The following FARS2 variants were observed in gnomAD, a reference collection of about 807,000 sequenced individuals.
FARS2 encodes phenylalanyl-tRNA synthetase 2, mitochondrial.
FARS2 carries 40 observed loss-of-function variants against 46.4 expected under a neutral mutation model. The observed-to-expected ratio is 0.86, with a 90% CI of 0.67 to 1.12. The LOEUF is 1.12. FARS2 is among the 50% of genes most tolerant of loss of function. The pLI is 0.00. For missense variants in FARS2, 513 were observed against 567.9 expected, an observed-to-expected ratio of 0.90 and a Z score of 0.98; for synonymous variants, 234 against 214.9, an observed-to-expected ratio of 1.09 and a Z score of -0.78.
At chr6:5,503,895 A>G (rs772899107) in intron 4 of FARS2, among the ~76,000 whole-genome samples, 32 of 152,226 alleles carry the variant, frequency 2.1e-4, no homozygotes, top group Non-Finnish European at 4.0e-4. Flanking sequence ...TAACTATGCT[A>G]CACTGGTAAT....
chr6:5,358,607 G>T (rs1434043273), intron 1 of FARS2, among the ~76,000 whole-genome samples: 1 of 152,038 alleles, frequency 6.6e-6, no homozygotes, highest in Non-Finnish European at 1.5e-5. Flanking sequence ...TTGGTAATGT[G>T]AACTTAATTT....
chr6:5,375,232 T>G (rs1008662294), intron 2 of FARS2, among the ~76,000 whole-genome samples: 1 of 152,030 alleles, frequency 6.6e-6, no homozygotes, highest in Non-Finnish European at 1.5e-5. Context: ...GTTGTTGGAT[T>G]CAGGGACAAT....
chr6:5,474,549 T>C (rs1007001633), intron 4 of FARS2, among the ~76,000 whole-genome samples: 1 of 152,074 alleles, frequency 6.6e-6, no homozygotes, highest in African/African-American at 2.4e-5. Flanking sequence ...GCTCCTAGGC[T>C]ACAAACATGT....
intron 6 of FARS2, among the ~76,000 whole-genome samples, chr6:5,668,402 G>A (rs1258025435): frequency 1.3e-5 from 2 of 152,192 alleles, no homozygotes; most frequent in African/African-American, 4.8e-5. Context: ...CCAGCACACT[G>A]TTAGGGTTAT....
chr6:5,610,249 G>T (rs1242930500), intron 5 of FARS2: 2 of 497,908 alleles, frequency 4.0e-6, no homozygotes, highest in Non-Finnish European at 7.2e-6. Flanking sequence ...CAGCATCCAC[G>T]AGCAGAAAGT....
At position 5,369,135 on chromosome 6, in the gene FARS2, C is replaced by T; in HGVS notation, c.565C>T (p.Pro189Ser). 6.2e-7 allele frequency: 1 copy of T among 1,612,282 alleles called. No individual in the cohort carries two copies. The highest frequency in any genetic ancestry group is 8.5e-7 in the Non-Finnish European group (1 of 1,180,008). Residue 189 changes from proline (P) to serine (S), a missense_variant, in exon 2 of 7, where the codon CCT (proline) becomes TCT (serine). Transcript: ENST00000274680. ...RRDQIDSQHY[P>S]IFHQLEAVRL... Reference sequence around the variant, plus strand: ...TGACCAGATCGACTCCCAGCACTACCCTATTTTCCACCAGCTGGAGGCCGT... The same window carrying T: ...TGACCAGATCGACTCCCAGCACTACTCTATTTTCCACCAGCTGGAGGCCGT...
chr6:5,728,063 G>A (rs1760378774), intron 6 of FARS2, among the ~76,000 whole-genome samples: 1 of 152,176 alleles, frequency 6.6e-6, no homozygotes, highest in African/African-American at 2.4e-5. Context: ...ATGGCCCCTC[G>A]ATGAACTAAC....
chr6:5,552,904 G>A (rs1203181744), intron 5 of FARS2, among the ~76,000 whole-genome samples: 1 of 152,088 alleles, frequency 6.6e-6, no homozygotes, highest in African/African-American at 2.4e-5. Flanking sequence ...AGCAAAATTT[G>A]CTGTTTCAGT....
chr6:5,763,469 TAAATA>T (rs1277484758), intron 6 of FARS2, among the ~76,000 whole-genome samples: 2 of 152,086 alleles, frequency 1.3e-5, no homozygotes, highest in East Asian at 1.9e-4. Context: ...AATAAATAAA[TAAATA>T]AAAGGATCTC....
At chr6:5,514,089 C>CATATATATATATATATATAT (rs57189455) in intron 4 of FARS2, among the ~76,000 whole-genome samples, 10 of 147,064 alleles carry the variant, frequency 6.8e-5, no homozygotes, top group African/African-American at 2.5e-4. Context: ...AAAATCTGGA[C>CATATATATATATATATATAT]ATATATATAT....
chr6:5,719,895 G>A (rs188418221), intron 6 of FARS2, among the ~76,000 whole-genome samples: 8 of 152,274 alleles, frequency 5.3e-5, no homozygotes, highest in East Asian at 1.9e-4. Context: ...TGTGGCTTCC[G>A]TTTAGTGTGA....
intron 6 of FARS2, among the ~76,000 whole-genome samples, chr6:5,667,223 A>G (rs1217325814): frequency 6.6e-6 from 1 of 152,198 alleles, no homozygotes; most frequent in East Asian, 1.9e-4. Context: ...AAAAATAAAA[A>G]TAAAGATTAA....
At chr6:5,379,743 G>A (rs1759631705) in intron 2 of FARS2, among the ~76,000 whole-genome samples, 1 of 152,240 alleles carries the variant, frequency 6.6e-6, no homozygotes, top group East Asian at 1.9e-4. Flanking sequence ...AGAGCAGCTG[G>A]CCATTGGAGG....
chr6:5,769,282 G>A (rs535553756), intron 6 of FARS2, among the ~76,000 whole-genome samples: 1 of 152,330 alleles, frequency 6.6e-6, no homozygotes, highest in East Asian at 1.9e-4. Context: ...CCAAATAACT[G>A]TAAATGGAGC....
chr6:5,358,005 G>A (rs929818996), intron 1 of FARS2, among the ~76,000 whole-genome samples: 1 of 152,110 alleles, frequency 6.6e-6, no homozygotes, highest in African/African-American at 2.4e-5. Context: ...TGTAATTGCT[G>A]CACTACAGTC....
At chr6:5,741,642 T>C (rs953292126) in intron 6 of FARS2, among the ~76,000 whole-genome samples, 1 of 152,168 alleles carries the variant, frequency 6.6e-6, no homozygotes, top group African/African-American at 2.4e-5. Context: ...GGACTTCTTT[T>C]TGTTTTTTCC....
intron 4 of FARS2, among the ~76,000 whole-genome samples, chr6:5,510,241 A>T (rs1406156634): frequency 1.3e-5 from 2 of 152,054 alleles, no homozygotes; most frequent in African/African-American, 4.8e-5. Context: ...GTGAAACGTT[A>T]CATTATTTTT....
At chr6:5,718,136 A>C (rs9378440) in intron 6 of FARS2, among the ~76,000 whole-genome samples, 52,672 of 151,794 alleles carry the variant, frequency 0.35, 10,488 homozygotes, top group East Asian at 0.77. Context: ...CTGGTCTGGA[A>C]CTCCTGACCT....
Position 5,368,756 on chromosome 6 carries a change from C to T in FARS2, c.186C>T (p.Asp62=), listed in dbSNP as rs964653311. ...ELLGKSYPQD[D]HSNLTRKVLT... ...TGGGCAAATCCTACCCTCAGGACGA[C>T]CACAGCAACCTCACCCGGAAGGTCC... is the stretch of plus-strand genomic sequence containing the variant. Residue 62 remains aspartate (D), a synonymous_variant, in exon 2 of 7, where the codon GAC becomes GAT. Transcript: ENST00000274680. 1 of 1,614,156 alleles carries T rather than the reference C, an allele frequency of 6.2e-7. No individual in the cohort carries two copies. Among genetic ancestry groups the T allele is most frequent in the Non-Finnish European group, 8.5e-7 (1 of 1,180,012 alleles).
Sources: gnomAD v4.1 joint callset for allele counts (sites outside exome capture counted in the v4.1 genomes callset) on GRCh38, gnomAD v4.1.1 for gene constraint, MANE v1.5 for transcripts, NCBI Gene and HGNC (gene_info 2026-07-23, HGNC 2026-07-21) for gene names.